HS3ST2: variants seen among roughly 807,000 people sequenced by gnomAD.
The protein encoded by HS3ST2 is heparan sulfate glucosamine 3-O-sulfotransferase 2.
HS3ST2 carries 17 observed loss-of-function variants against 26.3 expected under a neutral mutation model. That is an observed-to-expected ratio of 0.65 (90% CI 0.44 to 0.97). The LOEUF (loss-of-function observed/expected upper bound fraction) is 0.97. HS3ST2 is among the 50% of genes least tolerant of loss of function. HS3ST2 has a pLI of 0.00. For synonymous variants in HS3ST2, 237 were observed against 219.2 expected (o/e 1.08, Z -0.72); for missense variants, 402 against 501.2 (o/e 0.80, Z 1.89).
intron 1 of HS3ST2, among the ~76,000 whole-genome samples, chr16:22,906,519 C>T (rs1902355119): frequency 6.6e-6 from 1 of 152,192 alleles, no homozygotes; most frequent in Admixed American, 6.5e-5. Flanking sequence ...ACTTCACCAC[C>T]CCTTCCCCAC....
chr16:22,869,419 C>T (rs888269476), intron 1 of HS3ST2, among the ~76,000 whole-genome samples: 1 of 152,154 alleles, frequency 6.6e-6, no homozygotes, highest in Non-Finnish European at 1.5e-5. Flanking sequence ...ATAGAGCAGG[C>T]CTCTGTTAAA....
At chr16:22,836,846 C>T (rs141858689) in intron 1 of HS3ST2, among the ~76,000 whole-genome samples, 19 of 152,080 alleles carry the variant, frequency 1.2e-4, no homozygotes, top group East Asian at 9.7e-4. Context: ...CTAGTAGAGA[C>T]GGGGTTTCAC....
At chr16:22,858,698 C>A (rs1901635905) in intron 1 of HS3ST2, among the ~76,000 whole-genome samples, 1 of 152,024 alleles carries the variant, frequency 6.6e-6, no homozygotes, top group South Asian at 2.1e-4. Flanking sequence ...TACTGTGTGA[C>A]CTCAGACACG....
At chr16:22,829,782 G>T (rs1244227245) in intron 1 of HS3ST2, among the ~76,000 whole-genome samples, 1 of 152,144 alleles carries the variant, frequency 6.6e-6, no homozygotes, top group East Asian at 1.9e-4. Flanking sequence ...CTGCCTTATA[G>T]GTTGCTGTAG....
At chr16:22,859,682 G>A (rs1260061410) in intron 1 of HS3ST2, among the ~76,000 whole-genome samples, 1 of 152,120 alleles carries the variant, frequency 6.6e-6, no homozygotes, top group Admixed American at 6.6e-5. Flanking sequence ...CCACTGCTAG[G>A]CTTGATGGAA....
At chr16:22,818,619 C>A (rs976157591) in intron 1 of HS3ST2, among the ~76,000 whole-genome samples, 2 of 151,752 alleles carry the variant, frequency 1.3e-5, no homozygotes, top group African/African-American at 4.8e-5. Flanking sequence ...TCCTTCCCTT[C>A]CCTTCCTCCT....
At chr16:22,881,617 T>C (rs904774046) in intron 1 of HS3ST2, among the ~76,000 whole-genome samples, 2 of 152,170 alleles carry the variant, frequency 1.3e-5, no homozygotes, top group Admixed American at 1.3e-4. Flanking sequence ...TAAGGGAAGA[T>C]GACTCTCACG....
At chr16:22,835,710 C>A (rs1226207263) in intron 1 of HS3ST2, among the ~76,000 whole-genome samples, 1 of 152,108 alleles carries the variant, frequency 6.6e-6, no homozygotes, top group Non-Finnish European at 1.5e-5. Context: ...GTTAAAATTG[C>A]AGCTGTCAGT....
chr16:22,899,296 G>A (rs1012480621), intron 1 of HS3ST2, among the ~76,000 whole-genome samples: 5 of 152,170 alleles, frequency 3.3e-5, no homozygotes, highest in African/African-American at 4.8e-5. Flanking sequence ...GTCAGGAAAC[G>A]GCTGGGTTGA....
intron 1 of HS3ST2, among the ~76,000 whole-genome samples, chr16:22,858,372 ACTATC>A (rs1901629304): frequency 6.6e-6 from 1 of 151,296 alleles, no homozygotes; most frequent in Non-Finnish European, 1.5e-5. Flanking sequence ...GAGCTCTTGG[ACTATC>A]AAAAAAGATG....
intron 1 of HS3ST2, among the ~76,000 whole-genome samples, chr16:22,884,867 G>C (rs1902039664): frequency 7.0e-6 from 1 of 142,794 alleles, no homozygotes; most frequent in African/African-American, 2.6e-5. Context: ...TTTAAACAGA[G>C]TCTCACTCTG....
rs538593972 is a variant in HS3ST2 at position 22,875,369 on chromosome 16, A to AATTT, written c.486-39549_486-39546dup. Among the ~76,000 whole-genome samples, 744 of 151,608 alleles carry AATTT rather than the reference A, an allele frequency of 4.9e-3. 4 individuals carry two copies. The highest frequency in any genetic ancestry group is 0.01 in the Middle Eastern group (3 of 294). On this transcript the variant is annotated intron_variant, in intron 1 of 1. Coordinates refer to ENST00000261374, the MANE Select transcript of HS3ST2 (RefSeq NM_006043.2). ...TGAAGACAGAAAAATACTTTTAATA[A>AATTT]ATTTATTTATTTATTTATTTATTTA... is the stretch of plus-strand genomic sequence containing the variant.
chr16:22,882,621 C>T (rs998916832), intron 1 of HS3ST2, among the ~76,000 whole-genome samples: 1 of 152,180 alleles, frequency 6.6e-6, no homozygotes, highest in African/African-American at 2.4e-5. Flanking sequence ...ATAGTCCCAG[C>T]TACTCAGGAG....
chr16:22,887,795 A>AAC (rs1258558098), intron 1 of HS3ST2, among the ~76,000 whole-genome samples: 1 of 151,306 alleles, frequency 6.6e-6, no homozygotes, highest in Non-Finnish European at 1.5e-5. Context: ...GGAAAAAAAA[A>AAC]AAAACTAGCC....
intron 1 of HS3ST2, among the ~76,000 whole-genome samples, chr16:22,832,290 C>G (rs1901182944): frequency 6.6e-6 from 1 of 151,932 alleles, no homozygotes; most frequent in South Asian, 2.1e-4. Context: ...AGCCACTGTC[C>G]CTGATCTGAA....
chr16:22,869,092 A>G (rs1250160494), intron 1 of HS3ST2, among the ~76,000 whole-genome samples: 1 of 151,630 alleles, frequency 6.6e-6, no homozygotes, highest in Admixed American at 6.6e-5. Flanking sequence ...ACTGCAAATG[A>G]GATTTATGTT....
chr16:22,850,191 C>T (rs1243038180), intron 1 of HS3ST2, among the ~76,000 whole-genome samples: 1 of 152,092 alleles, frequency 6.6e-6, no homozygotes, highest in Admixed American at 6.5e-5. Flanking sequence ...TTCCAAAACA[C>T]ATGTAGGGAA....
At chr16:22,881,509 C>T (rs572376215) in intron 1 of HS3ST2, among the ~76,000 whole-genome samples, 66 of 152,256 alleles carry the variant, frequency 4.3e-4, no homozygotes, top group Non-Finnish European at 7.5e-4. Context: ...CCAAAATCCA[C>T]ATTAAGCCAT....
intron 1 of HS3ST2, among the ~76,000 whole-genome samples, chr16:22,849,167 A>G (rs866887223): frequency 2.0e-5 from 3 of 152,176 alleles, no homozygotes; most frequent in Non-Finnish European, 2.9e-5. Context: ...GGTTTCATGA[A>G]TGTAGACCCA....
Sources: allele counts gnomAD v4.1 joint callset (sites outside exome capture counted in the v4.1 genomes callset), GRCh38; gene constraint gnomAD v4.1.1; transcripts MANE v1.5; gene names NCBI Gene and HGNC (gene_info 2026-07-23, HGNC 2026-07-21).